CD163L1: variants seen among roughly 807,000 people sequenced by gnomAD.
The protein encoded by CD163L1 is scavenger receptor cysteine-rich type 1 protein M160.
Under a neutral mutation model 165.4 loss-of-function variants are expected in CD163L1, and 124 were observed. The observed-to-expected ratio is 0.75, with a 90% confidence interval of 0.65 to 0.87. The LOEUF is 0.87. Among genes scored for constraint, CD163L1 ranks in the 40% least tolerant of loss-of-function variants. The probability of loss-of-function intolerance (pLI) is 0.00; values close to 1 mark genes in which losing one functional copy is unlikely to be tolerated. For synonymous variants in CD163L1, 585 were observed against 662.2 expected, an observed-to-expected ratio of 0.88 and a Z score of 1.79; for missense variants, 1,525 against 1,799.9, an observed-to-expected ratio of 0.85 and a Z score of 2.76.
At chr12:7,323,772 G>A in the CD163L1 span, among the ~76,000 whole-genome samples, 19 of 152,268 alleles carry the variant, frequency 1.2e-4, no homozygotes, top group South Asian at 6.2e-4. Flanking sequence ...AAGGAAAACC[G>A]GACAGGCTGG....
chr12:7,439,458 C>A lies in CD163L1; in HGVS notation c.124+1696G>T. ...GGTCTGGTTTGGACTTGTCTTTTAG[C>A]TTCCCGGCCTTTGCTTTTTTCTTTT... is the stretch of plus-strand genomic sequence containing the variant. On this transcript the variant is annotated intron_variant, in intron 2 of 19. Transcript: ENST00000313599. 4 of 1,583,434 alleles carry A rather than the reference C, an allele frequency of 2.5e-6. No individual in the cohort carries two copies. In the South Asian group the frequency reaches 4.7e-5, roughly 19 times the overall value.
downstream of CD163L1, among the ~76,000 whole-genome samples, chr12:7,344,069 C>T (rs1946653590): frequency 6.6e-6 from 1 of 151,846 alleles, no homozygotes; most frequent in Admixed American, 6.6e-5. Flanking sequence ...GCAGGGCAAT[C>T]ACTAAGCCTT....
chr12:7,443,322 A>C (rs1319513785), intron 1 of CD163L1, among the ~76,000 whole-genome samples: 1 of 152,194 alleles, frequency 6.6e-6, no homozygotes, highest in Non-Finnish European at 1.5e-5. Flanking sequence ...GTAGCACTGC[A>C]TTTTCAAAAG....
intron 6 of CD163L1, among the ~76,000 whole-genome samples, chr12:7,402,133 G>T (rs949224907): frequency 4.6e-5 from 7 of 151,716 alleles, no homozygotes; most frequent in Non-Finnish European, 7.4e-5. Context: ...AGAATGTCAG[G>T]TTAGTATAAT....
At chr12:7,430,417 G>A (rs1235055366) in intron 4 of CD163L1, among the ~76,000 whole-genome samples, 1 of 152,064 alleles carries the variant, frequency 6.6e-6, no homozygotes, top group African/African-American at 2.4e-5. Context: ...AAAAATGATA[G>A]GAATTGGATT....
chr12:7,323,444 T>C, the CD163L1 span: 1 of 1,612,776 alleles, frequency 6.2e-7, no homozygotes, highest in South Asian at 1.1e-5. Flanking sequence ...CCATCAATTA[T>C]TTCTTTCATT....
Position 7,355,119 on chromosome 12 carries a change from T to A in CD163L1, c.*36A>T, listed in dbSNP as rs1424876647. On this transcript the variant is annotated 3_prime_UTR_variant, in exon 20 of 20. Coordinates refer to ENST00000313599, the MANE Select transcript of CD163L1 (RefSeq NM_174941.6). ...AAGTTGTTGTCTCCTTCAAAGATATTTAGAGGTTGATCTGAAATTATAAAA... is the reference window on the plus strand; with the variant it reads ...AAGTTGTTGTCTCCTTCAAAGATATATAGAGGTTGATCTGAAATTATAAAA... The A allele has an allele frequency of 6.6e-6, 1 of 152,080 alleles. No individual in the cohort carries two copies. The highest frequency in any genetic ancestry group is 1.5e-5 in the Non-Finnish European group (1 of 68,004). The allele number at this position is 152,080 out of a possible 1,614,324, so 9.4% of individuals were successfully genotyped here. A position where few individuals can be genotyped will look rare whatever the true frequency, so the allele number is the denominator to read the frequency against.
At chr12:7,413,492 C>G (rs1387929805) in intron 4 of CD163L1, among the ~76,000 whole-genome samples, 1 of 152,194 alleles carries the variant, frequency 6.6e-6, no homozygotes, top group Admixed American at 6.5e-5. Flanking sequence ...ACCAAGAAAC[C>G]TGCTCACATG....
chr12:7,409,531 G>A (rs1033540613), intron 4 of CD163L1, among the ~76,000 whole-genome samples: 4 of 152,118 alleles, frequency 2.6e-5, no homozygotes, highest in East Asian at 1.9e-4. Context: ...TAGGGTTTGC[G>A]CTCCTGTGAG....
chr12:7,344,610 CTG>C (rs1445270839), downstream of CD163L1, among the ~76,000 whole-genome samples: 1 of 152,210 alleles, frequency 6.6e-6, no homozygotes, highest in Non-Finnish European at 1.5e-5. Flanking sequence ...AATGGGGAGT[CTG>C]TGTGGGACAT....
chr12:7,349,297 C>G (rs1182424832), intron 4 of CD163L1, among the ~76,000 whole-genome samples: 1 of 152,150 alleles, frequency 6.6e-6, no homozygotes, highest in Non-Finnish European at 1.5e-5. Flanking sequence ...GATTGACACT[C>G]TTTTGAAATT....
chr12:7,398,502 C>T lies in CD163L1; in HGVS notation c.1491G>A (p.Trp497Ter). The change falls in exon 7 of 20, where the codon TGG (tryptophan) becomes TGA (stop). Residue 497 changes from tryptophan to a stop codon, truncating the protein, a stop_gained. Coordinates refer to ENST00000313599, the MANE Select transcript of CD163L1 (RefSeq NM_174941.6). LOFTEE classifies it high-confidence loss of function. This position sits in a 1 kb window ranked among gnomAD's most constrained non-coding sequence, Gnocchi z 4.5. ...TCCATCTGTCATGACACACAGTCCC[C>T]CACTCTCCTTGGTATTTCACCTCCA... ...GRLEVKYQGE[W>*]GTVCHDRWST... The T allele has an allele frequency of 1.9e-6, 3 of 1,613,924 alleles. No individual in the cohort carries two copies. The highest frequency in any genetic ancestry group is 2.5e-6 in the Non-Finnish European group (3 of 1,179,896).
chr12:7,320,780 T>C, the CD163L1 span: 1 of 1,613,644 alleles, frequency 6.2e-7, no homozygotes, highest in Non-Finnish European at 8.5e-7. Context: ...GTGTACCGGA[T>C]GCTCGTGCAA....
At chr12:7,320,796 C>T in the CD163L1 span, 1 of 1,612,294 alleles carries the variant, frequency 6.2e-7, no homozygotes, top group Non-Finnish European at 8.5e-7. Context: ...TGCAAAAAGA[C>T]CTTAAGAGGT....
chr12:7,372,202 T>C lies in CD163L1; in HGVS notation c.3730+1118A>G, dbSNP rs1947160035. Among the ~76,000 whole-genome samples the C allele has an allele frequency of 6.6e-6, 1 of 152,116 alleles. No individual in the cohort carries two copies. The highest frequency in any genetic ancestry group is 6.5e-5 in the Admixed American group (1 of 15,276). On this transcript the variant is annotated intron_variant, in intron 14 of 19. Coordinates refer to ENST00000313599, the MANE Select transcript of CD163L1 (RefSeq NM_174941.6). This position sits in a 1 kb window ranked among gnomAD's most constrained non-coding sequence, Gnocchi z 4.2. ...AGGTATGTGTATGTCTGTGTATATG[T>C]TTCTCTCTGTGTGTAACATTGGTGG...
the CD163L1 span, among the ~76,000 whole-genome samples, chr12:7,338,753 C>G: frequency 2.5e-3 from 375 of 152,204 alleles, 1 homozygote; most frequent in African/African-American, 8.5e-3. Flanking sequence ...TGAGGCTTAG[C>G]CAATTTCCAC....
chr12:7,385,099 A>G (rs1015070060), intron 8 of CD163L1, among the ~76,000 whole-genome samples: 2 of 152,058 alleles, frequency 1.3e-5, no homozygotes, highest in African/African-American at 4.8e-5. Flanking sequence ...TATGCTTCCT[A>G]GAAGAAACTG....
intron 2 of CD163L1, chr12:7,439,301 TTTTAAC>T (rs1458562913): frequency 1.4e-5 from 22 of 1,565,232 alleles, no homozygotes; most frequent in Non-Finnish European, 1.9e-5. Flanking sequence ...ATTTCACCCT[TTTTAAC>T]TTTAATTCCT....
chr12:7,373,481 C>G lies in CD163L1; in HGVS notation c.3569G>C (p.Gly1190Ala). The G allele has an allele frequency of 6.2e-7, 1 of 1,614,216 alleles. No homozygotes were observed. Reference sequence around the variant, plus strand: ...AGATAAAGGGGCGAGGCTGACAACTCCATTCTCCCCACAGCCCAGCTGCCT... The same window carrying G: ...AGATAAAGGGGCGAGGCTGACAACTGCATTCTCCCCACAGCCCAGCTGCCT... ...VCRQLGCGENGVVSLAPLSKT... is the reference protein window; with the variant it reads ...VCRQLGCGENAVVSLAPLSKT... The change falls in exon 14 of 20, where the codon GGA (glycine) becomes GCA (alanine). Residue 1190 changes from glycine (G) to alanine (A), a missense_variant. Physicochemically the swap from Gly to Ala is moderately conservative, Grantham distance 60. Transcript: ENST00000313599.
Sources: gnomAD v4.1 joint callset for allele counts (sites outside exome capture counted in the v4.1 genomes callset) on GRCh38, gnomAD v4.1.1 for gene constraint, Gnocchi (gnomAD v3.1) non-coding constraint, MANE v1.5 for transcripts, NCBI Gene and HGNC (gene_info 2026-07-23, HGNC 2026-07-21) for gene names.